SYNDIG1: variants seen among roughly 807,000 people sequenced by gnomAD.
SYNDIG1 encodes the protein synapse differentiation-inducing gene protein 1.
A neutral mutation model predicts 19.4 loss-of-function variants in SYNDIG1; 9 were observed. That is an observed-to-expected ratio of 0.46 (90% CI 0.28 to 0.81). SYNDIG1 has a LOEUF of 0.81. Among genes scored for constraint, SYNDIG1 ranks in the 30% least tolerant of loss-of-function variants. SYNDIG1 has a pLI of 0.12. For synonymous variants in SYNDIG1, 141 were observed against 145.9 expected (o/e 0.97, Z 0.24); for missense variants, 311 against 343.3 (o/e 0.91, Z 0.74).
At chr20:24,569,428 A>G (rs1046000202) in intron 2 of SYNDIG1, among the ~76,000 whole-genome samples, 1 of 152,212 alleles carries the variant, frequency 6.6e-6, no homozygotes, top group African/African-American at 2.4e-5. Context: ...ACATGCCCAG[A>G]GAGAGCATCA....
At chr20:24,628,572 C>T (rs2147278832) in intron 3 of SYNDIG1, among the ~76,000 whole-genome samples, 1 of 152,308 alleles carries the variant, frequency 6.6e-6, no homozygotes, top group Admixed American at 6.5e-5. Context: ...AATATCAATG[C>T]ATAATGATAT....
intron 3 of SYNDIG1, among the ~76,000 whole-genome samples, chr20:24,626,035 TG>T (rs1464170365): frequency 7.7e-5 from 11 of 142,890 alleles, no homozygotes; most frequent in Admixed American, 1.4e-4. Context: ...GCTGGCCAGG[TG>T]GGGGGCTGAC....
chr20:24,538,556 T>C (rs372472543), intron 1 of SYNDIG1, among the ~76,000 whole-genome samples: 184 of 152,352 alleles, frequency 1.2e-3, no homozygotes, highest in African/African-American at 4.3e-3. Context: ...AGTGCTGCTA[T>C]GAACATGGCA....
intron 3 of SYNDIG1, among the ~76,000 whole-genome samples, chr20:24,655,678 T>C (rs1037269423): frequency 2.0e-5 from 3 of 151,710 alleles, no homozygotes; most frequent in African/African-American, 7.3e-5. Context: ...ATTCCTTTGA[T>C]GATAAAAACT....
At chr20:24,505,653 C>CCCA (rs1189498078) in intron 1 of SYNDIG1, among the ~76,000 whole-genome samples, 2 of 152,230 alleles carry the variant, frequency 1.3e-5, no homozygotes, top group Non-Finnish European at 2.9e-5. Flanking sequence ...ACTCCACTCG[C>CCCA]CCAGGTCAGC....
chr20:24,562,345 A>G (rs992868175), intron 2 of SYNDIG1, among the ~76,000 whole-genome samples: 5 of 152,236 alleles, frequency 3.3e-5, no homozygotes, highest in African/African-American at 4.8e-5. Flanking sequence ...AATACTTACA[A>G]TTTTCAAAAA....
In SYNDIG1 at chr20:24,628,437, G is replaced by A. The variant is rs142127985; in HGVS notation, c.619-36909G>A. On this transcript the variant is annotated intron_variant, in intron 3 of 3. Transcript: ENST00000376862. ...TATTGGTGTGTGGACCATCAACTGA[G>A]GTGGCCTCACTAAGGGCTTTATAGC... Among the ~76,000 whole-genome samples the A allele has an allele frequency of 5.1e-4, 78 of 152,272 alleles. 1 individual carries two copies. The East Asian group carries it at 0.014, about 28-fold the overall frequency.
Position 24,545,515 on chromosome 20 carries a change from C to G in SYNDIG1, c.480+1938C>G, listed in dbSNP as rs1438007473. 2.6e-5 allele frequency among the ~76,000 whole-genome samples: 4 copies of G among 152,088 alleles called. No individual in the cohort carries two copies. In the East Asian group the frequency reaches 7.7e-4, roughly 29 times the overall value. On this transcript the variant is annotated intron_variant, in intron 2 of 3. Coordinates refer to ENST00000376862, the MANE Select transcript of SYNDIG1 (RefSeq NM_024893.3). ...CCCCAGGAGTTATGGGAATGGAATA[C>G]CCCATCAGCTCTGAAGAGGGTCTGG...
intron 3 of SYNDIG1, among the ~76,000 whole-genome samples, chr20:24,610,420 G>A (rs574686168): frequency 2.6e-5 from 4 of 152,314 alleles, no homozygotes; most frequent in East Asian, 1.9e-4. Context: ...GTGGGCACTC[G>A]GAAGCATGTT....
intron 1 of SYNDIG1, among the ~76,000 whole-genome samples, chr20:24,505,046 G>A (rs2056553625): frequency 2.0e-5 from 3 of 152,166 alleles, no homozygotes; most frequent in Admixed American, 1.3e-4. Context: ...TCCCAGGTGT[G>A]GGGCAAGGCC....
chr20:24,536,900 G>A (rs544796196), intron 1 of SYNDIG1, among the ~76,000 whole-genome samples: 14 of 152,292 alleles, frequency 9.2e-5, no homozygotes, highest in Admixed American at 5.2e-4. Flanking sequence ...AAGTTTCCTG[G>A]AGGGCATCAC....
At chr20:24,497,455 C>T (rs926229140) in intron 1 of SYNDIG1, among the ~76,000 whole-genome samples, 5 of 152,200 alleles carry the variant, frequency 3.3e-5, no homozygotes, top group African/African-American at 9.7e-5. Context: ...CCCACCTTGG[C>T]CTCCCAAAGG....
chr20:24,566,014 C>A (rs1466000661), intron 2 of SYNDIG1, among the ~76,000 whole-genome samples: 3 of 152,192 alleles, frequency 2.0e-5, no homozygotes, highest in Admixed American at 2.0e-4. Flanking sequence ...GAAGCAGACA[C>A]TGATGTGGGA....
intron 2 of SYNDIG1, among the ~76,000 whole-genome samples, chr20:24,544,967 G>A (rs2057544596): frequency 2.6e-5 from 4 of 152,186 alleles, no homozygotes. Context: ...CTGGAAGGTG[G>A]AGGAGGCAGG....
intron 1 of SYNDIG1, among the ~76,000 whole-genome samples, chr20:24,485,222 G>T (rs1282444761): frequency 6.6e-6 from 1 of 152,126 alleles, no homozygotes; most frequent in Non-Finnish European, 1.5e-5. Context: ...ACACAAAACA[G>T]ACTAAGACAC....
chr20:24,550,911 T>C (rs1355193834), intron 2 of SYNDIG1, among the ~76,000 whole-genome samples: 1 of 152,224 alleles, frequency 6.6e-6, no homozygotes, highest in African/African-American at 2.4e-5. Context: ...GGATCTTTTC[T>C]AATCCTTGGA....
chr20:24,524,167 G>A (rs995017058), intron 1 of SYNDIG1, among the ~76,000 whole-genome samples: 4 of 152,026 alleles, frequency 2.6e-5, no homozygotes, highest in African/African-American at 4.8e-5. Context: ...TCGCAACTTC[G>A]AAGGCGCTGA....
chr20:24,653,729 G>A (rs1294773119), intron 3 of SYNDIG1, among the ~76,000 whole-genome samples: 1 of 152,198 alleles, frequency 6.6e-6, no homozygotes, highest in Non-Finnish European at 1.5e-5. Context: ...ACTAAACAAC[G>A]GAAATTTAAC....
chr20:24,576,679 C>T (rs1296135845), intron 2 of SYNDIG1, among the ~76,000 whole-genome samples: 2 of 152,122 alleles, frequency 1.3e-5, no homozygotes, highest in Non-Finnish European at 2.9e-5. Flanking sequence ...TAATGACCAC[C>T]CCCGTCCCTG....
Sources: allele counts gnomAD v4.1 joint callset (sites outside exome capture counted in the v4.1 genomes callset), GRCh38; gene constraint gnomAD v4.1.1; transcripts MANE v1.5; gene names NCBI Gene and HGNC (gene_info 2026-07-23, HGNC 2026-07-21).